Variants in SDK1 observed in about 807,000 individuals in gnomAD.
SDK1 encodes protein sidekick-1.
In SDK1, 157 loss-of-function variants were observed where a neutral mutation model predicts 245.5. The ratio of observed to expected loss-of-function variants is 0.64; its 90% confidence interval spans 0.56 to 0.73. The LOEUF (loss-of-function observed/expected upper bound fraction) is 0.73. Ranked by LOEUF, SDK1 falls within the 30% of genes least tolerant of loss-of-function variation. The probability of loss-of-function intolerance (pLI) is 0.00; values close to 1 mark genes in which losing one functional copy is unlikely to be tolerated. For synonymous variants in SDK1, 1,647 were observed against 1,278.5 expected, an observed-to-expected ratio of 1.29 and a Z score of -6.15; for missense variants, 3,583 against 3,002.3, an observed-to-expected ratio of 1.19 and a Z score of -4.52.
chr7:3,694,397 G>T (rs1397904546), intron 4 of SDK1, among the ~76,000 whole-genome samples: 4 of 152,212 alleles, frequency 2.6e-5, no homozygotes, highest in African/African-American at 9.7e-5. Context: ...CTCACAGTTA[G>T]ATTGAATCAG....
At chr7:4,195,965 T>G (rs1584419912) in intron 35 of SDK1, among the ~76,000 whole-genome samples, 1 of 152,168 alleles carries the variant, frequency 6.6e-6, no homozygotes, top group East Asian at 1.9e-4. Context: ...CATTACATAT[T>G]GTCAGAGGCT....
chr7:3,516,926 A>T (rs1240739770), intron 1 of SDK1, among the ~76,000 whole-genome samples: 1 of 152,166 alleles, frequency 6.6e-6, no homozygotes, highest in Non-Finnish European at 1.5e-5. Context: ...GTTGGGTCAG[A>T]TCTGCCTGCT....
chr7:3,514,682 A>G (rs191979180), intron 1 of SDK1, among the ~76,000 whole-genome samples: 4 of 152,274 alleles, frequency 2.6e-5, no homozygotes, highest in Non-Finnish European at 5.9e-5. Context: ...CTTAGCTGTC[A>G]TTTAAGGAGG....
rs775275070 is a variant in SDK1, at chr7:3,951,932, G to A, written c.1150+12G>A. 6 of 1,608,052 alleles carry A rather than the reference G, an allele frequency of 3.7e-6. No homozygotes were observed. The highest frequency in any genetic ancestry group is 3.4e-5 in the Admixed American group (2 of 58,672). On this transcript the variant is annotated intron_variant, in intron 7 of 44. Coordinates refer to ENST00000404826, the MANE Select transcript of SDK1 (RefSeq NM_152744.4). Reference sequence around the variant, plus strand: ...TCTTTTCATCATAGGTAATGCGGGAGCCTCTAAGTGGTGTTGCCAGCATCT... The same window carrying A: ...TCTTTTCATCATAGGTAATGCGGGAACCTCTAAGTGGTGTTGCCAGCATCT...
intron 1 of SDK1, among the ~76,000 whole-genome samples, chr7:3,547,758 C>G (rs1347630188): frequency 1.3e-5 from 2 of 152,160 alleles, no homozygotes; most frequent in East Asian, 1.9e-4. Context: ...TGATGGAAAA[C>G]TGGCTGTTAG....
At chr7:3,548,778 T>A (rs559107795) in intron 1 of SDK1, among the ~76,000 whole-genome samples, 17 of 152,238 alleles carry the variant, frequency 1.1e-4, no homozygotes, top group Non-Finnish European at 2.1e-4. Context: ...TCCTTTTATA[T>A]TGGCAAGTTT....
chr7:4,049,019 T>C (rs1023014875), intron 17 of SDK1, among the ~76,000 whole-genome samples: 4 of 152,138 alleles, frequency 2.6e-5, no homozygotes, highest in Admixed American at 1.3e-4. Context: ...ATCTCAAATA[T>C]CTGTTCATTG....
At chr7:3,709,334 C>T (rs901642837) in intron 4 of SDK1, among the ~76,000 whole-genome samples, 7 of 152,214 alleles carry the variant, frequency 4.6e-5, no homozygotes, top group Admixed American at 4.6e-4. Context: ...AATGGTTTCC[C>T]TCCATCCATG....
intron 39 of SDK1, among the ~76,000 whole-genome samples, chr7:4,220,966 G>C (rs1462266528): frequency 2.0e-5 from 3 of 148,164 alleles, no homozygotes; most frequent in African/African-American, 7.5e-5. Flanking sequence ...TTTGTATTTT[G>C]TAGAGACAAG....
At chr7:3,617,615 C>A (rs968841229) in intron 1 of SDK1, among the ~76,000 whole-genome samples, 2 of 152,182 alleles carry the variant, frequency 1.3e-5, no homozygotes, top group Non-Finnish European at 2.9e-5. Context: ...GGCAGTTCAT[C>A]TGGGGAGGCC....
chr7:4,044,942 C>T (rs148234859), intron 17 of SDK1, among the ~76,000 whole-genome samples: 1 of 152,192 alleles, frequency 6.6e-6, no homozygotes, highest in Non-Finnish European at 1.5e-5. Flanking sequence ...TTTACCCCCA[C>T]CCCAGCACTT....
intron 4 of SDK1, among the ~76,000 whole-genome samples, chr7:3,702,426 G>A (rs77221350): frequency 0.031 from 4,765 of 152,180 alleles, 98 homozygotes; most frequent in Middle Eastern, 0.051. Flanking sequence ...GTGTGTATTC[G>A]TGGCTCCTGC....
chr7:3,463,366 A>G (rs1363762746), intron 1 of SDK1, among the ~76,000 whole-genome samples: 1 of 151,914 alleles, frequency 6.6e-6, no homozygotes, highest in East Asian at 1.9e-4. Context: ...GAATGAATGA[A>G]TGAATGAATG....
chr7:4,140,453 C>T (rs1779508871), intron 28 of SDK1, among the ~76,000 whole-genome samples: 1 of 152,214 alleles, frequency 6.6e-6, no homozygotes, highest in African/African-American at 2.4e-5. Flanking sequence ...TGATGTTTTG[C>T]AGTTTCCCCC....
chr7:3,950,559 T>A (rs1780765018), intron 5 of SDK1, among the ~76,000 whole-genome samples: 1 of 152,220 alleles, frequency 6.6e-6, no homozygotes, highest in Non-Finnish European at 1.5e-5. Flanking sequence ...TGTGCCTGAT[T>A]TACACATTTA....
At chr7:3,468,756 G>A (rs140652320) in intron 1 of SDK1, among the ~76,000 whole-genome samples, 8 of 152,280 alleles carry the variant, frequency 5.3e-5, no homozygotes, top group Admixed American at 5.2e-4. Context: ...AGTGTTGTCC[G>A]TATTTTGTTA....
chr7:3,999,240 C>T (rs959319111), intron 14 of SDK1, among the ~76,000 whole-genome samples: 2 of 152,170 alleles, frequency 1.3e-5, no homozygotes, highest in Admixed American at 1.3e-4. Context: ...TCTCCCCATT[C>T]CCTTGGGTAC....
rs148902352 is a variant in SDK1 at position 3,507,649 on chromosome 7, C to G, written c.299-111431C>G. ...CCTTGCTGTACTCTCATGTCCACAA[C>G]AAAGCCTGACACATTCTAAGTGGTT... On this transcript the variant is annotated intron_variant, in intron 1 of 44. Transcript: ENST00000404826. 1.1e-4 allele frequency among the ~76,000 whole-genome samples: 16 copies of G among 152,316 alleles called. No homozygotes were observed. The East Asian group carries it at 3.1e-3, about 29-fold the overall frequency.
At chr7:4,082,546 A>G (rs181357268) in intron 22 of SDK1, among the ~76,000 whole-genome samples, 52 of 152,032 alleles carry the variant, frequency 3.4e-4, no homozygotes, top group African/African-American at 8.0e-4. Flanking sequence ...AAAAAAAAAA[A>G]AAAAGAAAAG....
Sources: allele counts gnomAD v4.1 joint callset (sites outside exome capture counted in the v4.1 genomes callset), GRCh38; gene constraint gnomAD v4.1.1; transcripts MANE v1.5; gene names NCBI Gene and HGNC (gene_info 2026-07-23, HGNC 2026-07-21).